The following CFAP57 variants were observed in gnomAD, a reference collection of about 807,000 sequenced individuals.
CFAP57 encodes cilia- and flagella-associated protein 57.
In CFAP57, 116 loss-of-function variants were observed where a neutral mutation model predicts 146.8. The observed-to-expected ratio is 0.79, with a 90% confidence interval of 0.68 to 0.92. The LOEUF (loss-of-function observed/expected upper bound fraction) is 0.92, where lower values mean the gene tolerates loss of function less well. Among genes scored for constraint, CFAP57 ranks in the 40% least tolerant of loss-of-function variants. CFAP57 has a pLI of 0.00. For synonymous variants in CFAP57, 518 were observed against 552.8 expected (o/e 0.94, Z 0.88); for missense variants, 1,377 against 1,527.2 (o/e 0.90, Z 1.64).
chr1:43,241,925 G>A (rs992034501), intron 21 of CFAP57, among the ~76,000 whole-genome samples: 1 of 152,134 alleles, frequency 6.6e-6, no homozygotes, highest in Non-Finnish European at 1.5e-5. Flanking sequence ...CTTGTGCTGG[G>A]TGTGAAATGG....
At chr1:43,182,066 T>A (rs548456711) in intron 3 of CFAP57, among the ~76,000 whole-genome samples, 63 of 152,210 alleles carry the variant, frequency 4.1e-4, no homozygotes, top group Admixed American at 9.8e-4. Context: ...ATCACAGAGG[T>A]AGTGAATAGC....
chr1:43,212,323 C>A (rs1644651203), intron 11 of CFAP57, among the ~76,000 whole-genome samples: 1 of 152,166 alleles, frequency 6.6e-6, no homozygotes, highest in African/African-American at 2.4e-5. Context: ...CCCTGCCTAC[C>A]ACTAATTTGT....
chr1:43,205,626 TG>T (rs1644326974), intron 9 of CFAP57, among the ~76,000 whole-genome samples: 1 of 151,966 alleles, frequency 6.6e-6, no homozygotes, highest in African/African-American at 2.4e-5. Context: ...GAGCTTAGAG[TG>T]GAGTTTCTTC....
rs376388364 is a variant in CFAP57 at position 43,243,165 on chromosome 1, T to C, written c.3406-62T>C. On this transcript the variant is annotated intron_variant, in intron 21 of 22. Coordinates refer to ENST00000372492, the MANE Select transcript of CFAP57 (RefSeq NM_001378189.1). ...CCCATACACTCAGCCCAGGAGGGTA[T>C]GCCTTGTGCCCACTGACCACTCATC... 4.8e-5 allele frequency: 74 copies of C among 1,530,740 alleles called. No individual in the cohort carries two copies. In the South Asian group the frequency reaches 5.3e-4, roughly 11 times the overall value. The allele number at this position is 1,530,740 out of a possible 1,614,324, so 94.8% of individuals were successfully genotyped here. A position where few individuals can be genotyped will look rare whatever the true frequency, so the allele number is the denominator to read the frequency against.
chr1:43,208,102 A>G (rs1644433084), intron 10 of CFAP57, among the ~76,000 whole-genome samples: 2 of 152,236 alleles, frequency 1.3e-5, no homozygotes, highest in African/African-American at 4.8e-5. Flanking sequence ...ACAGTGAGGT[A>G]CCATCTCACA....
intron 9 of CFAP57, among the ~76,000 whole-genome samples, chr1:43,203,308 T>A (rs770655665): frequency 4.0e-5 from 6 of 151,810 alleles, no homozygotes; most frequent in Non-Finnish European, 8.8e-5. Flanking sequence ...CTATCACTAA[T>A]CTTGAAAAAA....
At position 43,206,837 on chromosome 1, in the gene CFAP57, T is replaced by G. The variant is rs1282795610; in HGVS notation, c.1660T>G (p.Ser554Ala). 1 of 1,614,128 alleles carries G rather than the reference T, an allele frequency of 6.2e-7. No homozygotes were observed. Among genetic ancestry groups the G allele is most frequent in the Non-Finnish European group, 8.5e-7 (1 of 1,180,018 alleles). The change falls in exon 10 of 23, where the codon TCT becomes GCT. Residue 554 changes from serine to alanine, a missense_variant. By Grantham distance (99) the Ser-to-Ala change is moderately conservative. Transcript: ENST00000372492. Reference sequence around the variant, plus strand: ...GAGAGAGACAGAATGCGTGCTCAAGTCTTGCAGCTACAACTGTGTTACTGT... The same window carrying G: ...GAGAGAGACAGAATGCGTGCTCAAGGCTTGCAGCTACAACTGTGTTACTGT... ...GKRETECVLK[S>A]CSYNCVTVSP...
At chr1:43,204,510 G>T (rs1162783480) in intron 9 of CFAP57, among the ~76,000 whole-genome samples, 1 of 152,170 alleles carries the variant, frequency 6.6e-6, no homozygotes, top group Non-Finnish European at 1.5e-5. Context: ...GTTGTTGGTT[G>T]GTTGGCTGAT....
At chr1:43,193,201 G>T (rs968956618) in intron 6 of CFAP57, among the ~76,000 whole-genome samples, 1 of 152,134 alleles carries the variant, frequency 6.6e-6, no homozygotes, top group Non-Finnish European at 1.5e-5. Flanking sequence ...TGTTGTTGCT[G>T]TTTGTATGGT....
chr1:43,191,034 A>G (rs778903050), intron 6 of CFAP57, among the ~76,000 whole-genome samples: 6 of 152,178 alleles, frequency 3.9e-5, no homozygotes, highest in Admixed American at 6.5e-5. Flanking sequence ...TTTGTGAAGA[A>G]TTGGTATTAA....
intron 9 of CFAP57, among the ~76,000 whole-genome samples, chr1:43,204,815 G>T (rs1380804592): frequency 4.6e-5 from 7 of 152,124 alleles, no homozygotes; most frequent in Non-Finnish European, 8.8e-5. Context: ...TAGTTTGGAT[G>T]ACCCCTTTCT....
At chr1:43,203,542 C>T (rs1382666968) in intron 9 of CFAP57, among the ~76,000 whole-genome samples, 3 of 152,130 alleles carry the variant, frequency 2.0e-5, no homozygotes. Flanking sequence ...CTCACTGCAA[C>T]CTCTGCCTCC....
intron 13 of CFAP57, among the ~76,000 whole-genome samples, chr1:43,219,955 A>C (rs1644980957): frequency 6.6e-6 from 1 of 151,990 alleles, no homozygotes; most frequent in African/African-American, 2.4e-5. Flanking sequence ...ACTCTGTCTA[A>C]AAATAAATAA....
chr1:43,177,021 A>C, intron 2 of CFAP57: 1 of 402,728 alleles, frequency 2.5e-6, no homozygotes, highest in Non-Finnish European at 5.0e-6. Context: ...GGGGAGCAAC[A>C]CCACAGAGGG....
At chr1:43,181,287 G>T (rs1645395473) in intron 2 of CFAP57, among the ~76,000 whole-genome samples, 1 of 152,122 alleles carries the variant, frequency 6.6e-6, no homozygotes, top group African/African-American at 2.4e-5. Flanking sequence ...GGCCAGGCTG[G>T]TCTTGAACTC....
rs11803113 is a variant in CFAP57 at position 43,218,061 on chromosome 1, A to G, written c.2092-1321A>G. On this transcript the variant is annotated intron_variant, in intron 12 of 22. Transcript: ENST00000372492. ...AGTACTTCCTGTGCACCAGATCCTC[A>G]CTAGTCTGCTGGCCAGGAATGCAGA... Among the ~76,000 whole-genome samples the G allele has an allele frequency of 2.7e-3, 407 of 152,140 alleles. 2 individuals are homozygous for G. Among genetic ancestry groups the G allele is most frequent in the African/African-American group, 9.2e-3 (383 of 41,484 alleles).
At chr1:43,173,006 A>G in intron 2 of CFAP57, 96 bp downstream of exon 2, 1 of 1,120,202 alleles carries the variant, frequency 8.9e-7, no homozygotes, top group Non-Finnish European at 1.3e-6. Context: ...GATTTTGGCC[A>G]ATTTGAATAT....
At chr1:43,174,677 G>A (rs113392561) in intron 2 of CFAP57, among the ~76,000 whole-genome samples, 3,584 of 152,208 alleles carry the variant, frequency 0.024, 99 homozygotes, top group African/African-American at 0.066. Flanking sequence ...TCAGCTGGGC[G>A]TGGTGGCACG....
At chr1:43,173,753 C>A (rs1645067470) in intron 2 of CFAP57, among the ~76,000 whole-genome samples, 1 of 152,218 alleles carries the variant, frequency 6.6e-6, no homozygotes. Context: ...TTTGCTATTA[C>A]AAACTATACT....
Sources: allele counts gnomAD v4.1 joint callset (sites outside exome capture counted in the v4.1 genomes callset), GRCh38; gene constraint gnomAD v4.1.1; transcripts MANE v1.5; gene names NCBI Gene and HGNC (gene_info 2026-07-23, HGNC 2026-07-21).